The following GALNT14 variants were observed in gnomAD, a reference collection of about 807,000 sequenced individuals.
GALNT14 encodes the protein polypeptide N-acetylgalactosaminyltransferase 14.
GALNT14 carries 60 observed loss-of-function variants against 77.5 expected under a neutral mutation model. The ratio of observed to expected loss-of-function variants is 0.77; its 90% CI spans 0.63 to 0.96. The LOEUF (loss-of-function observed/expected upper bound fraction) is 0.96. Ranked by LOEUF, GALNT14 falls within the 40% of genes least tolerant of loss-of-function variation. The pLI, the probability that GALNT14 is intolerant of heterozygous loss-of-function variation, is 0.00. For synonymous variants in GALNT14, 280 were observed against 281.7 expected (o/e 0.99, Z 0.06); for missense variants, 710 against 731.0 (o/e 0.97, Z 0.33).
At chr2:31,116,595 G>A (rs915167181) in intron 1 of GALNT14, among the ~76,000 whole-genome samples, 2 of 151,892 alleles carry the variant, frequency 1.3e-5, no homozygotes, top group African/African-American at 4.8e-5. Flanking sequence ...CTTGATAGTA[G>A]GAGATTTTGA....
intron 1 of GALNT14, among the ~76,000 whole-genome samples, chr2:31,115,016 G>T (rs936673731): frequency 6.6e-6 from 1 of 152,166 alleles, no homozygotes; most frequent in African/African-American, 2.4e-5. Flanking sequence ...GGAGGCCGAG[G>T]CAGGAGGACC....
At chr2:30,982,907 A>G (rs74750317) in intron 2 of GALNT14, among the ~76,000 whole-genome samples, 4,634 of 152,280 alleles carry the variant, frequency 0.03, 236 homozygotes, top group African/African-American at 0.11. Context: ...GAACTGGGAC[A>G]TGGAAAGCTC....
chr2:31,040,969 AAC>A (rs1418417613), intron 1 of GALNT14, among the ~76,000 whole-genome samples: 1 of 152,192 alleles, frequency 6.6e-6, no homozygotes, highest in East Asian at 1.9e-4. Flanking sequence ...TGTAAACTTG[AAC>A]ACACAAGGGC....
intron 13 of GALNT14, among the ~76,000 whole-genome samples, chr2:30,921,758 A>G (rs10188172): frequency 0.037 from 5,543 of 151,178 alleles, 222 homozygotes; most frequent in African/African-American, 0.083. Flanking sequence ...CCCAACTGGC[A>G]TAGGTTTGTC....
At chr2:31,131,673 G>A (rs1161323561) in intron 1 of GALNT14, among the ~76,000 whole-genome samples, 1 of 152,148 alleles carries the variant, frequency 6.6e-6, no homozygotes, top group African/African-American at 2.4e-5. Context: ...CATGGTGTAG[G>A]ATGTAGGCAC....
intron 9 of GALNT14, among the ~76,000 whole-genome samples, chr2:30,935,130 A>T (rs574219990): frequency 2.6e-5 from 4 of 152,276 alleles, no homozygotes; most frequent in African/African-American, 9.6e-5. Context: ...ATTAGTCCTA[A>T]CAACCCTGCT....
At chr2:30,948,987 G>A (rs1380282295) in intron 6 of GALNT14, among the ~76,000 whole-genome samples, 1 of 152,194 alleles carries the variant, frequency 6.6e-6, no homozygotes, top group Non-Finnish European at 1.5e-5. Flanking sequence ...TAAGCTCTGA[G>A]GGGTTCTGTC....
In GALNT14 at chr2:31,137,955, T is replaced by C; in HGVS notation, c.129+3A>G. ...AGCGCCAGCGCGCCGGCAAGCCGCCTACCTTAGGGGTCTGCACTTCAGGTC... is the reference window on the plus strand; with the variant it reads ...AGCGCCAGCGCGCCGGCAAGCCGCCCACCTTAGGGGTCTGCACTTCAGGTC... On this transcript the variant is annotated splice_donor_region_variant and intron_variant, in intron 1 of 14. Transcript: ENST00000349752. 2 of 1,609,746 alleles carry C rather than the reference T, an allele frequency of 1.2e-6. No homozygotes were observed. The highest frequency in any genetic ancestry group is 1.7e-6 in the Non-Finnish European group (2 of 1,177,996).
chr2:31,106,305 T>C (rs1009678941), intron 1 of GALNT14, among the ~76,000 whole-genome samples: 6 of 152,224 alleles, frequency 3.9e-5, no homozygotes, highest in Non-Finnish European at 8.8e-5. Flanking sequence ...TTTATGTCTG[T>C]TATTTTTTGT....
At chr2:31,013,491 G>A (rs920054071) in intron 1 of GALNT14, among the ~76,000 whole-genome samples, 1 of 152,198 alleles carries the variant, frequency 6.6e-6, no homozygotes. Flanking sequence ...CCCCGCGGCA[G>A]CTTTCCATGT....
At position 30,992,844 on chromosome 2, in the gene GALNT14, T is replaced by C. The variant is rs1669790221; in HGVS notation, c.293A>G (p.His98Arg). Residue 98 changes from histidine to arginine, a missense_variant, in exon 2 of 15, where the codon CAT (histidine) becomes CGT (arginine). His to Arg is a conservative substitution (Grantham distance 29). Transcript: ENST00000349752. The part of the protein sequence containing the change: ...SSNRAIPDTR[H>R]LRCTLLVYCT... ...TGGGAGAAGGAGGAAGTACCTCAGA[T>C]GGCGAGTGTCCGGGATGGCCCGATT... is the stretch of plus-strand genomic sequence containing the variant. 6.2e-7 allele frequency: 1 copy of C among 1,613,226 alleles called. No individual in the cohort carries two copies. Among genetic ancestry groups the C allele is most frequent in the South Asian group, 1.1e-5 (1 of 91,064 alleles).
chr2:30,997,647 T>G (rs942504250), intron 1 of GALNT14, among the ~76,000 whole-genome samples: 4 of 152,208 alleles, frequency 2.6e-5, no homozygotes, highest in Non-Finnish European at 5.9e-5. Flanking sequence ...GTTTCAAAAG[T>G]ATGATGCCAC....
intron 1 of GALNT14, among the ~76,000 whole-genome samples, chr2:31,035,719 GGAGC>G (rs1169359396): frequency 1.3e-5 from 2 of 151,418 alleles, no homozygotes; most frequent in African/African-American, 4.9e-5. Flanking sequence ...GAACATGGGT[GGAGC>G]CAGAGGCCAT....
chr2:31,051,623 T>G (rs1280636518), intron 1 of GALNT14, among the ~76,000 whole-genome samples: 1 of 152,028 alleles, frequency 6.6e-6, no homozygotes, highest in Non-Finnish European at 1.5e-5. Context: ...TCAGTCCAGC[T>G]CTCTCTCTCA....
chr2:31,133,031 G>A (rs1679061027), intron 1 of GALNT14, among the ~76,000 whole-genome samples: 1 of 151,936 alleles, frequency 6.6e-6, no homozygotes, highest in Non-Finnish European at 1.5e-5. Context: ...GAAGAGGACA[G>A]CTTTGACTCC....
chr2:31,025,890 A>G (rs770844331), intron 1 of GALNT14, among the ~76,000 whole-genome samples: 187 of 152,290 alleles, frequency 1.2e-3, no homozygotes, highest in Middle Eastern at 6.8e-3. Context: ...GAGGACTGCA[A>G]TTTCTTTCTT....
At chr2:31,067,545 G>T (rs1031631268) in intron 1 of GALNT14, among the ~76,000 whole-genome samples, 1 of 152,174 alleles carries the variant, frequency 6.6e-6, no homozygotes, top group Admixed American at 6.5e-5. Context: ...CATTAGGTCT[G>T]CTGTAAAATA....
chr2:30,998,507 C>A (rs893342311), intron 1 of GALNT14, among the ~76,000 whole-genome samples: 1 of 152,148 alleles, frequency 6.6e-6, no homozygotes, highest in African/African-American at 2.4e-5. Context: ...ACTCTTTATC[C>A]CTTTGATACA....
downstream of GALNT14, among the ~76,000 whole-genome samples, chr2:30,909,851 A>G (rs1194646430): frequency 6.6e-6 from 1 of 151,874 alleles, no homozygotes; most frequent in East Asian, 1.9e-4. Context: ...AAAATGTGGC[A>G]CATATACACC....
Sources: gnomAD v4.1 joint callset for allele counts (sites outside exome capture counted in the v4.1 genomes callset) on GRCh38, gnomAD v4.1.1 for gene constraint, MANE v1.5 for transcripts, NCBI Gene and HGNC (gene_info 2026-07-23, HGNC 2026-07-21) for gene names.